NAXD: variants seen among roughly 807,000 people sequenced by gnomAD.
The protein encoded by NAXD is ATP-dependent (S)-NAD(P)H-hydrate dehydratase.
In NAXD, 22 loss-of-function variants were observed where a neutral mutation model predicts 35.8. The observed-to-expected ratio is 0.62, with a 90% CI of 0.44 to 0.88. The LOEUF (loss-of-function observed/expected upper bound fraction) is 0.88. NAXD is among the 40% of genes least tolerant of loss of function. NAXD has a pLI of 0.00. For missense variants in NAXD, 428 were observed against 437.7 expected (o/e 0.98, Z 0.20); for synonymous variants, 189 against 177.6 (o/e 1.06, Z -0.51).
At chr13:110,634,820 G>T (rs755842630) in intron 7 of NAXD, 44 bp downstream of exon 7, 3 of 1,439,986 alleles carry the variant, frequency 2.1e-6, no homozygotes, top group Non-Finnish European at 1.9e-6. Flanking sequence ...AGCCCTGTTC[G>T]TCCTGAAGAG....
At chr13:110,625,916 G>C (rs919612011) in intron 4 of NAXD, among the ~76,000 whole-genome samples, 1 of 152,064 alleles carries the variant, frequency 6.6e-6, no homozygotes, top group Non-Finnish European at 1.5e-5. Flanking sequence ...TGAAGGAACC[G>C]TAGAGAGCGG....
At position 110,624,330 on chromosome 13, in the gene NAXD, ATTAT is replaced by A. The variant is rs1214012494; in HGVS notation, c.243+55_243+58del. On this transcript the variant is annotated intron_variant, in intron 3 of 9. Coordinates refer to ENST00000680254, the MANE Select transcript of NAXD (RefSeq NM_001242882.2). Reference sequence around the variant, plus strand: ...TGGGATTTTTCTGGTAGAGAGTTTGATTATTTAAATATGATTAAAGCAAATGTTT... The same window carrying A: ...TGGGATTTTTCTGGTAGAGAGTTTGATTAAATATGATTAAAGCAAATGTTT... The A allele has an allele frequency of 6.3e-6, 7 of 1,107,376 alleles. No individual in the cohort carries two copies. In the East Asian group the frequency reaches 1.4e-4, roughly 22 times the overall value. The allele number at this position is 1,107,376 out of a possible 1,614,324, so 68.6% of individuals were successfully genotyped here. A position where few individuals can be genotyped will look rare whatever the true frequency, so the allele number is the denominator to read the frequency against.
intron 1 of NAXD, among the ~76,000 whole-genome samples, chr13:110,619,817 A>G (rs886882594): frequency 1.3e-5 from 2 of 151,790 alleles, no homozygotes; most frequent in African/African-American, 2.4e-5. Context: ...TTTTTTTTTG[A>G]GACAAGAGTC....
At chr13:110,637,637 T>C in intron 9 of NAXD, 1 of 387,634 alleles carries the variant, frequency 2.6e-6, no homozygotes. Context: ...GTGAATTTTC[T>C]TTAAGAGACA....
At chr13:110,615,716 G>T (rs201257355) in intron 1 of NAXD, 69 bp downstream of exon 1, 1 of 1,515,576 alleles carries the variant, frequency 6.6e-7, no homozygotes. Flanking sequence ...TCGCCGGCGC[G>T]GTCGTTGTCG....
At chr13:110,634,824 T>TTCACCCTCTTCAG in intron 7 of NAXD, 48 bp downstream of exon 7, 1 of 1,374,392 alleles carries the variant, frequency 7.3e-7, no homozygotes, top group Non-Finnish European at 1.0e-6. Context: ...CTGTTCGTCC[T>TTCACCCTCTTCAG]GAAGAGGGTG....
At chr13:110,632,451 T>G (rs1216065564) in intron 5 of NAXD, among the ~76,000 whole-genome samples, 1 of 152,162 alleles carries the variant, frequency 6.6e-6, no homozygotes, top group Non-Finnish European at 1.5e-5. Context: ...GCTTTTATTC[T>G]CTTATCCGGC....
chr13:110,638,135 C>A lies in NAXD; in HGVS notation c.840-243C>A. ...ACACCTGGCCCACTGTGTGCCCTAG[C>A]CCTGGACCTGTCTCCGAGTACATAG... On this transcript the variant is annotated intron_variant, in intron 9 of 9. Coordinates refer to ENST00000680254, the MANE Select transcript of NAXD (RefSeq NM_001242882.2). The surrounding 1 kb of genome is among the most constrained non-coding windows in gnomAD (Gnocchi z 5.4). The A allele has an allele frequency of 8.7e-7, 1 of 1,147,392 alleles. No individual in the cohort carries two copies. 71.1% of individuals were successfully genotyped at this position (1,147,392 alleles called of 1,614,324 possible). A position where few individuals can be genotyped will look rare whatever the true frequency, so the allele number is the denominator to read the frequency against.
intron 5 of NAXD, among the ~76,000 whole-genome samples, chr13:110,632,771 A>T (rs984648077): frequency 1.3e-5 from 2 of 151,768 alleles, no homozygotes; most frequent in Non-Finnish European, 2.9e-5. Context: ...AAGGTTCTCC[A>T]AGGCCCCACC....
Position 110,638,846 on chromosome 13 carries a change from T to C in NAXD, c.*318T>C. On this transcript the variant is annotated 3_prime_UTR_variant, in exon 10 of 10. Transcript: ENST00000680254. This position sits in a 1 kb window ranked among gnomAD's most constrained non-coding sequence, Gnocchi z 5.4. Reference sequence around the variant, plus strand: ...AGAATTCTTTAGCAGCTCAACAGAGTTTCTCGGCCTGCTCCCAGATCGGCG... The same window carrying C: ...AGAATTCTTTAGCAGCTCAACAGAGCTTCTCGGCCTGCTCCCAGATCGGCG... 1 of 462,590 alleles carries C rather than the reference T, an allele frequency of 2.2e-6. No individual in the cohort carries two copies. The highest frequency in any genetic ancestry group is 4.1e-6 in the Non-Finnish European group (1 of 246,390). 28.7% of individuals were successfully genotyped at this position (462,590 alleles called of 1,614,324 possible).
At chr13:110,619,790 C>G (rs576740648) in intron 1 of NAXD, among the ~76,000 whole-genome samples, 1 of 152,096 alleles carries the variant, frequency 6.6e-6, no homozygotes, top group Non-Finnish European at 1.5e-5. Context: ...GGATGCTGAT[C>G]GATACCCATA....
At chr13:110,624,692 C>A (rs1010422501) in intron 3 of NAXD, among the ~76,000 whole-genome samples, 2 of 152,206 alleles carry the variant, frequency 1.3e-5, no homozygotes, top group Non-Finnish European at 2.9e-5. Flanking sequence ...GAACTCCTGA[C>A]CTCACGTGAT....
At position 110,638,925 on chromosome 13, in the gene NAXD, C is replaced by G; in HGVS notation, c.*397C>G. On this transcript the variant is annotated 3_prime_UTR_variant, in exon 10 of 10. Transcript: ENST00000680254. This position sits in a 1 kb window ranked among gnomAD's most constrained non-coding sequence, Gnocchi z 5.4. ...GCGCCCTTCGTTCCTCCTCTGCTTC[C>G]CTTCCCTAGTCTTTCCTCCGGCAGG... The G allele has an allele frequency of 2.8e-6, 1 of 362,716 alleles. No homozygotes were observed. The highest frequency in any genetic ancestry group is 9.9e-4 in the Middle Eastern group (1 of 1,006). The allele number at this position is 362,716 out of a possible 1,614,324, so 22.5% of individuals were successfully genotyped here. A position where few individuals can be genotyped will look rare whatever the true frequency, so the allele number is the denominator to read the frequency against.
intron 4 of NAXD, 64 bp downstream of exon 4, chr13:110,625,342 G>C: frequency 2.7e-6 from 3 of 1,117,848 alleles, no homozygotes; most frequent in Admixed American, 1.8e-5. Context: ...TGGGGTTTTG[G>C]CACTGACACC....
intron 4 of NAXD, among the ~76,000 whole-genome samples, chr13:110,627,064 TAAAAG>T (rs1857103274): frequency 6.6e-6 from 1 of 152,176 alleles, no homozygotes; most frequent in South Asian, 2.1e-4. Flanking sequence ...ATCTGGGCAT[TAAAAG>T]AGAGATCAGG....
At chr13:110,630,848 G>A (rs919825625) in intron 5 of NAXD, among the ~76,000 whole-genome samples, 1 of 152,190 alleles carries the variant, frequency 6.6e-6, no homozygotes, top group Non-Finnish European at 1.5e-5. Flanking sequence ...CTGGACTGTT[G>A]TTTCTGTTTT....
Position 110,637,338 on chromosome 13 carries a change from G to A in NAXD, c.839+89G>A, listed in dbSNP as rs553247594. On this transcript the variant is annotated intron_variant, in intron 9 of 9. Transcript: ENST00000680254. ...GCTCATGCGTTGAATAAGTAGCCCT[G>A]GAAACACTGACAATGAACTCTAGGC... The A allele has an allele frequency of 5.6e-5, 82 of 1,469,216 alleles. 1 individual carries two copies. In the South Asian group the frequency reaches 8.9e-4, roughly 16 times the overall value. 91.0% of individuals were successfully genotyped at this position (1,469,216 alleles called of 1,614,324 possible).
In NAXD at chr13:110,637,152, A is replaced by G; in HGVS notation, c.742A>G (p.Ser248Gly). Residue 248 changes from serine (S) to glycine (G), a missense_variant, in exon 9 of 10, where the codon AGC becomes GGC. Ser to Gly is a moderately conservative substitution (Grantham distance 56, BLOSUM62 0). Transcript: ENST00000680254. Reference protein sequence around the residue: ...QQVLVCSQEGSSRRCGGQGDL... With the variant: ...QQVLVCSQEGGSRRCGGQGDL... ...AGTGCTTGTGTGCAGCCAGGAAGGC[A>G]GCAGCCGCAGGTGTGGAGGGCAAGG... 2 of 1,613,686 alleles carry G rather than the reference A, an allele frequency of 1.2e-6. No homozygotes were observed.
intron 1 of NAXD, among the ~76,000 whole-genome samples, chr13:110,617,439 A>G (rs1053186434): frequency 1.3e-5 from 2 of 152,214 alleles, no homozygotes; most frequent in Non-Finnish European, 2.9e-5. Context: ...TGATCTTTAT[A>G]TGTAAATGTT....
Sources: gnomAD v4.1 joint callset for allele counts (sites outside exome capture counted in the v4.1 genomes callset) on GRCh38, gnomAD v4.1.1 for gene constraint, Gnocchi (gnomAD v3.1) non-coding constraint, MANE v1.5 for transcripts, NCBI Gene and HGNC (gene_info 2026-07-23, HGNC 2026-07-21) for gene names.